The following CARD8 variants were observed in gnomAD, a reference collection of about 807,000 sequenced individuals.
CARD8 encodes caspase recruitment domain-containing protein 8.
A neutral mutation model predicts 53.2 loss-of-function variants in CARD8; 38 were observed. The ratio of observed to expected loss-of-function variants is 0.71; its 90% CI spans 0.55 to 0.94. The LOEUF (loss-of-function observed/expected upper bound fraction) is 0.94, where lower values mean the gene tolerates loss of function less well. Among genes scored for constraint, CARD8 ranks in the 40% least tolerant of loss-of-function variants. CARD8 has a pLI of 0.00. For missense variants in CARD8, 561 were observed against 655.5 expected, an observed-to-expected ratio of 0.86 and a Z score of 1.57; for synonymous variants, 245 against 244.9, an observed-to-expected ratio of 1.00 and a Z score of 0.00.
At chr19:48,224,388 T>C (rs1299942103) in intron 10 of CARD8, among the ~76,000 whole-genome samples, 1 of 152,238 alleles carries the variant, frequency 6.6e-6, no homozygotes, top group Non-Finnish European at 1.5e-5. Context: ...TTGCTATTTA[T>C]GTGCTTCCCT....
intron 10 of CARD8, among the ~76,000 whole-genome samples, chr19:48,224,065 G>A (rs1414299852): frequency 6.6e-6 from 1 of 152,096 alleles, no homozygotes; most frequent in Non-Finnish European, 1.5e-5. Context: ...AGGTTCAAGC[G>A]ATTCTCCTGC....
chr19:48,227,517 C>T (rs551078477), intron 10 of CARD8, among the ~76,000 whole-genome samples: 23 of 152,204 alleles, frequency 1.5e-4, no homozygotes, highest in Admixed American at 3.3e-4. Flanking sequence ...AGAAAAGTCA[C>T]GGAGATGCCA....
chr19:48,233,695 G>A (rs1027915165), intron 6 of CARD8: 16 of 190,094 alleles, frequency 8.4e-5, no homozygotes, highest in Non-Finnish European at 1.6e-4. Context: ...CCCAGATCAT[G>A]AGAGCTGACG....
rs746969682 is a variant in CARD8 at position 48,211,686 on chromosome 19, T to C, written c.*24A>G. 1.9e-5 allele frequency: 31 copies of C among 1,606,266 alleles called. No individual in the cohort carries two copies. The East Asian group carries it at 6.7e-4, about 35-fold the overall frequency. On this transcript the variant is annotated 3_prime_UTR_variant, in exon 14 of 14. Transcript: ENST00000651546. ...CCAATGAGAACGCTGGATTCTCTCT[T>C]CCAGACTACCTAACTGACTCATTTT...
intron 4 of CARD8, among the ~76,000 whole-genome samples, chr19:48,240,186 A>T (rs1040401623): frequency 3.3e-5 from 5 of 152,234 alleles, no homozygotes; most frequent in African/African-American, 1.2e-4. Context: ...AAAACAGTGC[A>T]TTCATTTTCT....
rs140775556 is a variant in CARD8 at position 48,225,388 on chromosome 19, C to T, written c.1036-3533G>A. The stretch of plus-strand genomic sequence containing the variant: ...TGCCTGTAGTCTCAGCTACTCGGGA[C>T]GCTGAGGCAGGAGAATCGCTTGAAC... On this transcript the variant is annotated intron_variant, in intron 10 of 13. Transcript: ENST00000651546. 4.5e-3 allele frequency among the ~76,000 whole-genome samples: 682 copies of T among 151,926 alleles called. 21 individuals carry two copies. The highest frequency in any genetic ancestry group is 0.035 in the Admixed American group (534 of 15,258).
chr19:48,241,004 C>T lies in CARD8; in HGVS notation c.17G>A (p.Cys6Tyr). Residue 6 changes from cysteine (C) to tyrosine (Y), a missense_variant, in exon 4 of 14, where the codon TGT (cysteine) becomes TAT (tyrosine). Coordinates refer to ENST00000651546, the MANE Select transcript of CARD8 (RefSeq NM_001184900.3). Reference sequence around the variant, plus strand: ...CTCACTGCTGCTACTCTTTTCTGGACACTCCTTTTTTTCCATTTGTCAAAT... The same window carrying T: ...CTCACTGCTGCTACTCTTTTCTGGATACTCCTTTTTTTCCATTTGTCAAAT... MEKKE[C>Y]PEKSSSSEEE... 2.0e-6 allele frequency: 3 copies of T among 1,536,112 alleles called. No homozygotes were observed. Among genetic ancestry groups the T allele is most frequent in the Non-Finnish European group, 2.6e-6 (3 of 1,146,796 alleles).
intron 3 of CARD8, among the ~76,000 whole-genome samples, chr19:48,247,764 A>T (rs1389767078): frequency 8.7e-6 from 1 of 114,560 alleles, no homozygotes; most frequent in East Asian, 2.6e-4. Flanking sequence ...TTGTATATAT[A>T]TATATATATA....
intron 13 of CARD8, among the ~76,000 whole-genome samples, chr19:48,213,966 C>T (rs748586357): frequency 2.6e-5 from 4 of 152,176 alleles, no homozygotes; most frequent in East Asian, 1.9e-4. Flanking sequence ...CTCATGTCAC[C>T]TTTACTCTGT....
In CARD8 at chr19:48,211,096, C is replaced by T. The variant is rs2037887035; in HGVS notation, c.*614G>A. 1 of 152,398 alleles carries T rather than the reference C, an allele frequency of 6.6e-6. No homozygotes were observed. Among genetic ancestry groups the T allele is most frequent in the African/African-American group, 2.4e-5 (1 of 41,432 alleles). 9.4% of individuals were successfully genotyped at this position (152,398 alleles called of 1,614,324 possible). A position where few individuals can be genotyped will look rare whatever the true frequency, so the allele number is the denominator to read the frequency against. The stretch of plus-strand genomic sequence containing the variant: ...CAACAACTCCTTGTAGCAGGCTACA[C>T]ACCAGTGGGAAAATATTTTCTGCTC... On this transcript the variant is annotated 3_prime_UTR_variant, in exon 14 of 14. Transcript: ENST00000651546.
In CARD8 at chr19:48,211,839, CCG is replaced by C. The variant is rs1568623278; in HGVS notation, c.1483_1484del (p.Arg495AlafsTer5). ...EKELVEQEKT[R>X]QSKNEALLSM... The stretch of plus-strand genomic sequence containing the variant: ...TCAGCAAGGCCTCATTCTTGCTCTG[CCG>C]TGTCTTTTCCTGCTCCACCAGCTCC... On this transcript the variant is annotated frameshift_variant, in exon 14 of 14. Coordinates refer to ENST00000651546, the MANE Select transcript of CARD8 (RefSeq NM_001184900.3). LOFTEE classifies it low-confidence loss of function (END_TRUNC). The C allele has an allele frequency of 6.2e-7, 1 of 1,614,138 alleles. No individual in the cohort carries two copies. The highest frequency in any genetic ancestry group is 1.1e-5 in the South Asian group (1 of 91,092).
chr19:48,214,769 C>CCT (rs1251500302), intron 13 of CARD8, among the ~76,000 whole-genome samples: 1 of 89,568 alleles, frequency 1.1e-5, no homozygotes, highest in African/African-American at 4.9e-5. Flanking sequence ...TGCTATAAAG[C>CCT]TTTTTTTTTT....
intron 7 of CARD8, 167 bp from the exon 8 acceptor site, chr19:48,231,977 A>G: frequency 4.2e-6 from 3 of 706,430 alleles, no homozygotes; most frequent in East Asian, 5.5e-5. Context: ...AGACAAAGAA[A>G]GGCACAAGAA....
downstream of CARD8, among the ~76,000 whole-genome samples, chr19:48,207,817 C>A (rs2037462118): frequency 7.2e-6 from 1 of 139,036 alleles, no homozygotes; most frequent in Non-Finnish European, 1.5e-5. Flanking sequence ...CTCACTGCAA[C>A]CCCTGCCTCC....
chr19:48,238,266 T>C, intron 5 of CARD8, 117 bp downstream of exon 5: 6 of 1,413,816 alleles, frequency 4.2e-6, no homozygotes, highest in Non-Finnish European at 5.6e-6. Flanking sequence ...AAAAGTAACA[T>C]ATATACTAAT....
chr19:48,207,734 G>GTTTTTTTTTTTTTGTTTTTTTTTTTTTTT (rs1555790116), downstream of CARD8, among the ~76,000 whole-genome samples: 34 of 116,504 alleles, frequency 2.9e-4, no homozygotes, highest in Non-Finnish European at 4.8e-4. Flanking sequence ...TTGTTTTTCT[G>GTTTTTTTTTTTTTGTTTTTTTTTTTTTTT]TTTTTTTTTT....
Position 48,210,651 on chromosome 19 carries a change from A to G in CARD8, c.*1059T>C, listed in dbSNP as rs1449218141. 6.6e-6 allele frequency: 1 copy of G among 152,224 alleles called. No individual in the cohort carries two copies. Among genetic ancestry groups the G allele is most frequent in the Non-Finnish European group, 1.5e-5 (1 of 68,026 alleles). 9.4% of individuals were successfully genotyped at this position (152,224 alleles called of 1,614,324 possible). On this transcript the variant is annotated 3_prime_UTR_variant, in exon 14 of 14. Transcript: ENST00000651546. ...GTGATAACAGTAGAATAGAAAAGACATAACAAACTGGCTGACTGAGGATAA... is the reference window on the plus strand; with the variant it reads ...GTGATAACAGTAGAATAGAAAAGACGTAACAAACTGGCTGACTGAGGATAA...
At chr19:48,245,799 T>G (rs2046013441) in intron 3 of CARD8, among the ~76,000 whole-genome samples, 1 of 148,542 alleles carries the variant, frequency 6.7e-6, no homozygotes, top group Admixed American at 6.8e-5. Context: ...ATTTATTGTA[T>G]TGTATATTGT....
In CARD8 at chr19:48,218,881, C is replaced by T; in HGVS notation, c.1293G>A (p.Glu431=). ...KRHGTLVWDT[E]VKPVDLQLVA... is the part of the protein sequence containing the mutation. ...CGCCCACTCACCTACCTGGCTTCAC[C>T]TCAGTATCCCACACCAAAGTCCCAT... Residue 431 remains glutamate, a synonymous_variant, in exon 12 of 14, where the codon GAG becomes GAA. Transcript: ENST00000651546. 1 of 1,614,162 alleles carries T rather than the reference C, an allele frequency of 6.2e-7. No homozygotes were observed. Among genetic ancestry groups the T allele is most frequent in the East Asian group, 2.2e-5 (1 of 44,890 alleles).
Sources: gnomAD v4.1 joint callset for allele counts (sites outside exome capture counted in the v4.1 genomes callset) on GRCh38, gnomAD v4.1.1 for gene constraint, MANE v1.5 for transcripts, NCBI Gene and HGNC (gene_info 2026-07-23, HGNC 2026-07-21) for gene names.